Variants in ZNF674 observed in about 807,000 individuals in gnomAD.
ZNF674 encodes zinc finger family member 674.
ZNF674 carries 2 observed loss-of-function variants against 7.0 expected under a neutral mutation model. The ratio of observed to expected loss-of-function variants is 0.29; its 90% confidence interval spans 0.12 to 0.90. The LOEUF (loss-of-function observed/expected upper bound fraction) is 0.90, where lower values mean the gene tolerates loss of function less well. ZNF674 is among the 40% of genes least tolerant of loss of function. The pLI is 0.57. For synonymous variants in ZNF674, 103 were observed against 145.2 expected (o/e 0.71, Z 2.09); for missense variants, 297 against 415.5 (o/e 0.71, Z 2.48).
intron 3 of ZNF674, among the ~76,000 whole-genome samples, chrX:46,536,787 A>G (rs1942206947): frequency 9.0e-6 from 1 of 111,317 alleles, no homozygotes; most frequent in Non-Finnish European, 1.9e-5. Context: ...AAATAAAAGA[A>G]AAAGAAAGAA....
At position 46,536,799 on chromosome X, in the gene ZNF674, A is replaced by C. The variant is rs1329070757; in HGVS notation, c.15+5274T>G. Among the ~76,000 whole-genome samples, 9 of 111,184 alleles carry C rather than the reference A, an allele frequency of 8.1e-5. No homozygotes were observed. The Admixed American group carries it at 8.7e-4, about 11-fold the overall frequency. ...AAAAAATAAAAGAAAAAGAAAGAAA[A>C]CCCAAATGTCCTGTGTTCCTGGGAA... On this transcript the variant is annotated intron_variant, in intron 3 of 5. Coordinates refer to ENST00000683375, the MANE Select transcript of ZNF674 (RefSeq NM_001190417.2).
intron 3 of ZNF674, chrX:46,529,514 C>CA (rs201902371): frequency 1.3e-3 from 144 of 112,156 alleles, no homozygotes; most frequent in Middle Eastern, 4.7e-3. Flanking sequence ...ACTAAAAATA[C>CA]AAAAAATAGC....
At chrX:46,510,236 A>G (rs189959163) in intron 5 of ZNF674, among the ~76,000 whole-genome samples, 1,108 of 109,505 alleles carry the variant, frequency 0.01, 9 homozygotes, top group African/African-American at 0.034. Flanking sequence ...ACATGTATAC[A>G]TATGTAACTA....
intron 5 of ZNF674, among the ~76,000 whole-genome samples, chrX:46,509,836 ACAC>A (rs1377462687): frequency 1.9e-5 from 2 of 107,892 alleles, no homozygotes; most frequent in Admixed American, 2.0e-4. Flanking sequence ...AGACACATGC[ACAC>A]GTATGTTTAT....
chrX:46,517,361 A>G (rs1347950263), intron 5 of ZNF674, among the ~76,000 whole-genome samples: 1 of 111,318 alleles, frequency 9.0e-6, no homozygotes, highest in Non-Finnish European at 1.9e-5. Context: ...AAAAGGTCCA[A>G]TGTTCATGTT....
At chrX:46,513,998 G>C (rs1447520959) in intron 5 of ZNF674, among the ~76,000 whole-genome samples, 7 of 111,584 alleles carry the variant, frequency 6.3e-5, no homozygotes, top group Admixed American at 4.8e-4. Context: ...CCAGGAGGTT[G>C]AGGCTGCAAT....
At chrX:46,515,382 A>T (rs915391757) in intron 5 of ZNF674, among the ~76,000 whole-genome samples, 11 of 109,384 alleles carry the variant, frequency 1.0e-4, no homozygotes, top group African/African-American at 3.3e-4. Context: ...AAAAAAAAAA[A>T]GGAGAAAAGA....
intron 5 of ZNF674, among the ~76,000 whole-genome samples, chrX:46,504,983 G>A (rs1480141892): frequency 2.7e-5 from 3 of 109,760 alleles, no homozygotes; most frequent in Non-Finnish European, 3.8e-5. Flanking sequence ...TCCGCCTCCC[G>A]AGTTCAAGAG....
intron 3 of ZNF674, among the ~76,000 whole-genome samples, chrX:46,532,144 G>A (rs1250703203): frequency 9.0e-6 from 1 of 111,580 alleles, no homozygotes; most frequent in Admixed American, 9.6e-5. Context: ...CTCCAGCCTG[G>A]GCAACAAGAG....
intron 5 of ZNF674, among the ~76,000 whole-genome samples, chrX:46,513,868 G>C (rs906707745): frequency 9.0e-6 from 1 of 110,791 alleles, no homozygotes; most frequent in Non-Finnish European, 1.9e-5. Flanking sequence ...GAGTTCAAGA[G>C]CAGCCTGGGC....
rs1040165828 is a variant in ZNF674, at chrX:46,544,532, C to A, written c.-61G>T. 8.9e-6 allele frequency: 1 copy of A among 112,095 alleles called. No homozygotes were observed. The highest frequency in any genetic ancestry group is 3.2e-5 in the African/African-American group (1 of 30,826). 9.2% of individuals were successfully genotyped at this position (112,095 alleles called of 1,213,427 possible). A position where few individuals can be genotyped will look rare whatever the true frequency, so the allele number is the denominator to read the frequency against. On this transcript the variant is annotated 5_prime_UTR_variant, in exon 2 of 6. Transcript: ENST00000683375. ...CTGGGGCCTCAGCCTAAGTCTTCTG[C>A]GACTAAGTGGGGAAGCCGAGGCACA...
At chrX:46,542,498 C>T (rs1767897382) in intron 2 of ZNF674, among the ~76,000 whole-genome samples, 1 of 111,406 alleles carries the variant, frequency 9.0e-6, no homozygotes, top group Non-Finnish European at 1.9e-5. Context: ...TGATTGAGGC[C>T]AGGAGTTCAA....
intron 4 of ZNF674, 145 bp downstream of exon 4, chrX:46,528,638 C>T: frequency 9.0e-7 from 1 of 1,106,373 alleles, no homozygotes; most frequent in South Asian, 2.1e-5. Flanking sequence ...AAGGAGACTA[C>T]AAATACTACA....
At chrX:46,504,919 TCCCTCTGTC>T (rs1941502608) in intron 5 of ZNF674, among the ~76,000 whole-genome samples, 3 of 109,887 alleles carry the variant, frequency 2.7e-5, no homozygotes, top group Admixed American at 9.8e-5. Flanking sequence ...AGATGGAGTC[TCCCTCTGTC>T]GCCCAGGCTG....
intron 5 of ZNF674, among the ~76,000 whole-genome samples, chrX:46,513,481 T>C (rs920374320): frequency 1.8e-5 from 2 of 111,956 alleles, no homozygotes; most frequent in African/African-American, 3.2e-5. Flanking sequence ...ACACACTATC[T>C]GTAACATTAA....
At chrX:46,512,457 A>G (rs1602057002) in intron 5 of ZNF674, among the ~76,000 whole-genome samples, 1 of 109,911 alleles carries the variant, frequency 9.1e-6, no homozygotes, top group South Asian at 3.8e-4. Flanking sequence ...CCCAAAAAAA[A>G]TACTTAAAAT....
intron 3 of ZNF674, among the ~76,000 whole-genome samples, chrX:46,537,171 T>C (rs1444744557): frequency 9.0e-6 from 1 of 110,911 alleles, no homozygotes; most frequent in East Asian, 2.8e-4. Flanking sequence ...CTCAGGAGGC[T>C]GAGAAAGGAG....
chrX:46,504,398 A>C (rs1941488947), intron 5 of ZNF674, among the ~76,000 whole-genome samples: 1 of 109,128 alleles, frequency 9.2e-6, no homozygotes. Context: ...GCTGGAGTAC[A>C]GTAGCGTGAT....
chrX:46,500,603 G>GT lies in ZNF674; in HGVS notation c.970dup (p.Thr324AsnfsTer4). On this transcript the variant is annotated frameshift_variant, in exon 6 of 6. Coordinates refer to ENST00000683375, the MANE Select transcript of ZNF674 (RefSeq NM_001190417.2). LOFTEE classifies it low-confidence loss of function (END_TRUNC). Reference sequence around the variant, plus strand: ...TTTATAAAATGCTTGTCTAATGTGTGTTTTTTCATGTCTAATAAGATGATA... The same window carrying GT: ...TTTATAAAATGCTTGTCTAATGTGTGTTTTTTTCATGTCTAATAAGATGATA... The GT allele has an allele frequency of 8.3e-7, 1 of 1,210,886 alleles. No homozygotes were observed. The highest frequency in any genetic ancestry group is 1.1e-6 in the Non-Finnish European group (1 of 894,934).
Sources: allele counts gnomAD v4.1 joint callset (sites outside exome capture counted in the v4.1 genomes callset), GRCh38; gene constraint gnomAD v4.1.1; transcripts MANE v1.5; gene names NCBI Gene and HGNC (gene_info 2026-07-23, HGNC 2026-07-21).